The following TSNARE1 variants were observed in gnomAD, a reference collection of about 807,000 sequenced individuals.
TSNARE1 encodes t-SNARE domain-containing protein 1.
Under a neutral mutation model 62.0 loss-of-function variants are expected in TSNARE1, and 49 were observed. The observed-to-expected ratio is 0.79, with a 90% CI of 0.63 to 1.00. The LOEUF (loss-of-function observed/expected upper bound fraction) is 1.00. Ranked by LOEUF, TSNARE1 falls within the 50% of genes least tolerant of loss-of-function variation. The pLI is 0.00. For synonymous variants in TSNARE1, 328 were observed against 294.4 expected, an observed-to-expected ratio of 1.11 and a Z score of -1.17; for missense variants, 755 against 700.1, an observed-to-expected ratio of 1.08 and a Z score of -0.88.
chr8:142,348,738 C>T (rs375138453), intron 2 of TSNARE1, among the ~76,000 whole-genome samples: 7 of 151,752 alleles, frequency 4.6e-5, no homozygotes, highest in Admixed American at 2.0e-4. Flanking sequence ...GCTGCTGGTG[C>T]GCTGAGGAGA....
chr8:142,276,641 A>C, intron 11 of TSNARE1: 1 of 985,420 alleles, frequency 1.0e-6, no homozygotes, highest in South Asian at 4.7e-5. Context: ...GACCACACGC[A>C]GCCTCAGCCA....
At chr8:142,357,742 G>A (rs1440792967) in intron 1 of TSNARE1, among the ~76,000 whole-genome samples, 4 of 152,250 alleles carry the variant, frequency 2.6e-5, no homozygotes, top group African/African-American at 9.6e-5. Context: ...TGGAGGTGGG[G>A]CTACATGCAG....
At position 142,382,070 on chromosome 8, in the gene TSNARE1, G is replaced by C. The variant is rs1836798576; in HGVS notation, c.-40+21034C>G. On this transcript the variant is annotated intron_variant, in intron 1 of 13. Transcript: ENST00000524325. ...GCCGTTCCCAGGCCCACGCGCCCCTGCCAGCATCAGCCCTGTGCAGCCTCC... is the reference window on the plus strand; with the variant it reads ...GCCGTTCCCAGGCCCACGCGCCCCTCCCAGCATCAGCCCTGTGCAGCCTCC... 1.3e-5 allele frequency among the ~76,000 whole-genome samples: 2 copies of C among 152,174 alleles called. 1 individual carries two copies. Among genetic ancestry groups the C allele is most frequent in the South Asian group, 4.1e-4 (2 of 4,830 alleles).
chr8:142,395,227 G>C (rs1423257683), intron 1 of TSNARE1, among the ~76,000 whole-genome samples: 1 of 152,080 alleles, frequency 6.6e-6, no homozygotes, highest in Admixed American at 6.5e-5. Context: ...CCCTGGAGGA[G>C]GAAAGCTAAT....
chr8:142,252,530 A>G (rs988922243), intron 12 of TSNARE1, among the ~76,000 whole-genome samples: 25 of 152,348 alleles, frequency 1.6e-4, no homozygotes, highest in African/African-American at 5.5e-4. Flanking sequence ...CCCCAGCAGG[A>G]GCTACCTGCA....
At chr8:142,276,212 C>T (rs763392774) in intron 11 of TSNARE1, 229 of 985,464 alleles carry the variant, frequency 2.3e-4, no homozygotes, top group Non-Finnish European at 2.6e-4. Flanking sequence ...GTATGGGTGA[C>T]GGCCTCGGCC....
At chr8:142,331,927 G>T (rs1329175168) in intron 4 of TSNARE1, 96 bp from the exon 5 acceptor site, 2 of 1,235,190 alleles carry the variant, frequency 1.6e-6, no homozygotes, top group South Asian at 1.3e-5. Context: ...CAGGGGCAGG[G>T]ACCCGACAGG....
chr8:142,384,373 A>G (rs1836971731), intron 1 of TSNARE1, among the ~76,000 whole-genome samples: 1 of 152,230 alleles, frequency 6.6e-6, no homozygotes, highest in Admixed American at 6.5e-5. Flanking sequence ...CCCAATAGCC[A>G]AAATAATCTT....
In TSNARE1 at chr8:142,345,881, A is replaced by G; in HGVS notation, c.100T>C (p.Cys34Arg). The G allele has an allele frequency of 6.2e-7, 1 of 1,613,668 alleles. No homozygotes were observed. The highest frequency in any genetic ancestry group is 8.5e-7 in the Non-Finnish European group (1 of 1,179,788). The change falls in exon 3 of 14, where the codon TGT becomes CGT. Residue 34 changes from cysteine (C) to arginine (R), a missense_variant. Cys to Arg is a radical substitution (Grantham distance 180). Coordinates refer to ENST00000524325, the MANE Select transcript of TSNARE1 (RefSeq NM_145003.5). Reference protein sequence around the residue: ...QGCQPLECARCWTEYGIRHFP... With the variant: ...QGCQPLECARRWTEYGIRHFP... Reference sequence around the variant, plus strand: ...TGGCGGATTCCATACTCGGTCCAACATCTAGCGCACTCTACGGACAGCAAG... The same window carrying G: ...TGGCGGATTCCATACTCGGTCCAACGTCTAGCGCACTCTACGGACAGCAAG...
rs375072865 is a variant in TSNARE1, at chr8:142,281,843, G to A, written c.1363+2570C>T. Among the ~76,000 whole-genome samples the A allele has an allele frequency of 1.8e-4, 27 of 152,128 alleles. No homozygotes were observed. In the East Asian group the frequency reaches 4.5e-3, roughly 25 times the overall value. The stretch of plus-strand genomic sequence containing the variant: ...TTGCCCCAGGTGAGGTTTCCTGAAC[G>A]GAGCCTCCAGCCTCCCTGGCTCCAA... On this transcript the variant is annotated intron_variant, in intron 11 of 13. Coordinates refer to ENST00000524325, the MANE Select transcript of TSNARE1 (RefSeq NM_145003.5).
intron 1 of TSNARE1, among the ~76,000 whole-genome samples, chr8:142,377,248 C>A (rs1836409176): frequency 6.6e-6 from 1 of 152,136 alleles, no homozygotes; most frequent in Non-Finnish European, 1.5e-5. Flanking sequence ...GGCTACATCA[C>A]TTACAAATCA....
rs749143950 is a variant in TSNARE1 at position 142,277,732 on chromosome 8, T to C, written c.1364-2869A>G. On this transcript the variant is annotated intron_variant, in intron 11 of 13. Transcript: ENST00000524325. ...CGTGCTGCAGGGGAGCCCAGCGGCC[T>C]GGGGACCTGGAGTGGCTGATCCACC... 7.9e-4 allele frequency: 782 copies of C among 985,408 alleles called. 2 individuals are homozygous for C. The highest frequency in any genetic ancestry group is 8.9e-4 in the Non-Finnish European group (739 of 829,930). The allele number at this position is 985,408 out of a possible 1,614,324, so 61.0% of individuals were successfully genotyped here.
intron 11 of TSNARE1, among the ~76,000 whole-genome samples, chr8:142,282,776 G>T (rs1379536384): frequency 5.4e-5 from 8 of 147,850 alleles, no homozygotes; most frequent in Non-Finnish European, 1.2e-4. Flanking sequence ...CTGCCAATGA[G>T]CAGAGGCGGG....
chr8:142,296,294 GA>G, intron 10 of TSNARE1, among the ~76,000 whole-genome samples: 1 of 66,166 alleles, frequency 1.5e-5, no homozygotes, highest in African/African-American at 6.9e-5. Context: ...GGTCATGGGG[GA>G]GGGGGTGGTG....
At chr8:142,316,106 C>T (rs1275116776) in intron 7 of TSNARE1, among the ~76,000 whole-genome samples, 1 of 151,970 alleles carries the variant, frequency 6.6e-6, no homozygotes, top group South Asian at 2.1e-4. Flanking sequence ...CAGCGCCTCC[C>T]GTAAGAGGGA....
rs555084312 is a variant in TSNARE1, at chr8:142,318,734, G to A, written c.894-100C>T. 3.2e-4 allele frequency: 345 copies of A among 1,070,564 alleles called. 2 individuals carry two copies. Among genetic ancestry groups the A allele is most frequent in the South Asian group, 2.2e-3 (170 of 76,446 alleles). 66.3% of individuals were successfully genotyped at this position (1,070,564 alleles called of 1,614,324 possible). On this transcript the variant is annotated intron_variant, in intron 6 of 13. Coordinates refer to ENST00000524325, the MANE Select transcript of TSNARE1 (RefSeq NM_145003.5). The stretch of plus-strand genomic sequence containing the variant: ...GCAAGCAGGGACGCACGGGCCGAGT[G>A]GGGGAGACAGAGACAGATGGATGGA...
At chr8:142,299,783 TAC>T (rs1825410026) in intron 10 of TSNARE1, among the ~76,000 whole-genome samples, 2 of 152,206 alleles carry the variant, frequency 1.3e-5, no homozygotes, top group South Asian at 4.1e-4. Flanking sequence ...CACACATACA[TAC>T]ACACATGCTC....
chr8:142,359,874 G>A (rs932002166), intron 1 of TSNARE1, among the ~76,000 whole-genome samples: 1 of 152,244 alleles, frequency 6.6e-6, no homozygotes, highest in Admixed American at 6.5e-5. Context: ...TGTCCCAGCA[G>A]GAGCACACTG....
chr8:142,232,310 C>T (rs1817158762), intron 12 of TSNARE1, among the ~76,000 whole-genome samples: 1 of 152,272 alleles, frequency 6.6e-6, no homozygotes, highest in Admixed American at 6.5e-5. Context: ...TCATACTCCT[C>T]TTCAGTTGGG....
Sources: allele counts gnomAD v4.1 joint callset (sites outside exome capture counted in the v4.1 genomes callset), GRCh38; gene constraint gnomAD v4.1.1; transcripts MANE v1.5; gene names NCBI Gene and HGNC (gene_info 2026-07-23, HGNC 2026-07-21).